The following LSAMP variants were observed in gnomAD, a reference collection of about 807,000 sequenced individuals.
LSAMP encodes limbic system-associated membrane protein.
In LSAMP, 7 loss-of-function variants were observed where a neutral mutation model predicts 38.6. That is an observed-to-expected ratio of 0.18 (90% CI 0.10 to 0.34). The LOEUF (loss-of-function observed/expected upper bound fraction) is 0.34. Among genes scored for constraint, LSAMP ranks in the 10% least tolerant of loss-of-function variants. The pLI is 1.00. For missense variants in LSAMP, 313 were observed against 420.0 expected (o/e 0.75, Z 2.23); for synonymous variants, 154 against 166.8 (o/e 0.92, Z 0.59).
At chr3:116,183,147 T>G (rs1710527654) in intron 1 of LSAMP, among the ~76,000 whole-genome samples, 1 of 151,832 alleles carries the variant, frequency 6.6e-6, no homozygotes. Flanking sequence ...AGAGACAGAA[T>G]GATTGAAGTG....
At chr3:116,205,041 A>G (rs1221493253) in intron 1 of LSAMP, among the ~76,000 whole-genome samples, 2 of 143,008 alleles carry the variant, frequency 1.4e-5, no homozygotes, top group Non-Finnish European at 3.1e-5. Context: ...TGAGCATGGA[A>G]TGTTCTTCCA....
chr3:115,820,406 T>C (rs1245468109), intron 6 of LSAMP, among the ~76,000 whole-genome samples: 2 of 152,274 alleles, frequency 1.3e-5, no homozygotes, highest in South Asian at 4.2e-4. Flanking sequence ...GATTCTAGTA[T>C]AGAGAATGTA....
Position 116,058,461 on chromosome 3 carries a change from G to GA in LSAMP, c.388+27862dup, listed in dbSNP as rs35849014. Among the ~76,000 whole-genome samples, 875 of 137,126 alleles carry GA rather than the reference G, an allele frequency of 6.4e-3. 10 individuals carry two copies. Among genetic ancestry groups the GA allele is most frequent in the East Asian group, 0.031 (140 of 4,546 alleles). The allele number at this position is 137,126 out of a possible 152,430, so 90.0% of individuals were successfully genotyped here. A position where few individuals can be genotyped will look rare whatever the true frequency, so the allele number is the denominator to read the frequency against. Reference sequence around the variant, plus strand: ...AAGGGTTTCTGTAGTATAAAATTTTGAAAAAAAAAAAAAAATTAAAAAGTT... The same window carrying GA: ...AAGGGTTTCTGTAGTATAAAATTTTGAAAAAAAAAAAAAAAATTAAAAAGTT... On this transcript the variant is annotated intron_variant, in intron 2 of 6. Coordinates refer to ENST00000490035, the MANE Select transcript of LSAMP (RefSeq NM_002338.5).
At chr3:116,243,794 A>G (rs1292088727) in intron 1 of LSAMP, among the ~76,000 whole-genome samples, 2 of 152,236 alleles carry the variant, frequency 1.3e-5, no homozygotes, top group Admixed American at 1.3e-4. Context: ...GGATTAAATG[A>G]AAATAACATT....
chr3:115,851,647 T>A (rs921242665), intron 4 of LSAMP, among the ~76,000 whole-genome samples: 2 of 152,202 alleles, frequency 1.3e-5, no homozygotes, highest in African/African-American at 4.8e-5. Context: ...TGTGTGTATG[T>A]AGGATGTGTG....
chr3:116,376,938 C>T (rs1287308860), intron 1 of LSAMP, among the ~76,000 whole-genome samples: 1 of 152,042 alleles, frequency 6.6e-6, no homozygotes, highest in Non-Finnish European at 1.5e-5. Context: ...TGTACTACTA[C>T]TAAGACAATT....
At chr3:116,138,820 T>G (rs1366274857) in intron 1 of LSAMP, among the ~76,000 whole-genome samples, 1 of 115,676 alleles carries the variant, frequency 8.6e-6, no homozygotes, top group Non-Finnish European at 1.9e-5. Flanking sequence ...TTACGTAAAT[T>G]GACTTTTTTT....
At chr3:116,112,964 T>G (rs1708649920) in intron 1 of LSAMP, among the ~76,000 whole-genome samples, 1 of 146,634 alleles carries the variant, frequency 6.8e-6, no homozygotes, top group Admixed American at 6.6e-5. Context: ...GGAATTCCAG[T>G]ACTCATTTTT....
intron 1 of LSAMP, among the ~76,000 whole-genome samples, chr3:116,171,024 A>G (rs1217160700): frequency 6.6e-6 from 1 of 152,194 alleles, no homozygotes; most frequent in Non-Finnish European, 1.5e-5. Context: ...TAAAAGCATG[A>G]AAACTGGAAT....
At chr3:116,398,706 GTCTT>G (rs1271326897) in intron 1 of LSAMP, among the ~76,000 whole-genome samples, 5 of 152,168 alleles carry the variant, frequency 3.3e-5, no homozygotes, top group Non-Finnish European at 1.5e-5. Flanking sequence ...GAAAATAAGT[GTCTT>G]GAATACATTG....
At chr3:116,248,639 C>T (rs2046634873) in intron 1 of LSAMP, among the ~76,000 whole-genome samples, 2 of 151,938 alleles carry the variant, frequency 1.3e-5, no homozygotes, top group South Asian at 2.1e-4. Flanking sequence ...CAGTATTCTC[C>T]ACCAGGGCCA....
chr3:116,320,677 T>C (rs2047695710), intron 1 of LSAMP, among the ~76,000 whole-genome samples: 1 of 152,160 alleles, frequency 6.6e-6, no homozygotes, highest in East Asian at 1.9e-4. Flanking sequence ...TTCTGCTTCA[T>C]TCATTCACTG....
intron 3 of LSAMP, among the ~76,000 whole-genome samples, chr3:115,857,575 A>T (rs759856305): frequency 2.3e-4 from 35 of 152,172 alleles, no homozygotes; most frequent in Non-Finnish European, 4.0e-4. Context: ...AAACATCTCA[A>T]CCAATTTCCA....
chr3:115,811,932 G>A (rs1933848525), intron 6 of LSAMP, among the ~76,000 whole-genome samples: 2 of 152,216 alleles, frequency 1.3e-5, no homozygotes, highest in African/African-American at 4.8e-5. Context: ...CAGCTTGTAA[G>A]CAGAGGAGCT....
chr3:116,407,088 G>C (rs967238845), intron 1 of LSAMP, among the ~76,000 whole-genome samples: 1 of 151,806 alleles, frequency 6.6e-6, no homozygotes. Context: ...AGTTCTTTAA[G>C]AAGACTGATA....
At chr3:115,907,362 T>C (rs1358081492) in intron 3 of LSAMP, among the ~76,000 whole-genome samples, 1 of 151,562 alleles carries the variant, frequency 6.6e-6, no homozygotes, top group African/African-American at 2.4e-5. Context: ...GTAGGATTAA[T>C]GAAGAAAGAG....
intron 6 of LSAMP, among the ~76,000 whole-genome samples, chr3:115,829,546 A>G (rs753622054): frequency 4.6e-5 from 7 of 152,160 alleles, no homozygotes; most frequent in Non-Finnish European, 1.0e-4. Flanking sequence ...TAAAAAGGGA[A>G]ATCTTTCCTA....
intron 1 of LSAMP, among the ~76,000 whole-genome samples, chr3:116,147,383 CTCTG>C (rs770651970): frequency 2.4e-4 from 36 of 151,834 alleles, no homozygotes; most frequent in Non-Finnish European, 4.6e-4. Flanking sequence ...ATTCATTGTT[CTCTG>C]TCTGTCATCA....
At chr3:116,004,556 A>C (rs976699247) in intron 3 of LSAMP, among the ~76,000 whole-genome samples, 35 of 140,214 alleles carry the variant, frequency 2.5e-4, no homozygotes, top group African/African-American at 1.0e-3. Flanking sequence ...ACGTAGGTGC[A>C]TATATATATA....
Sources: gnomAD v4.1 joint callset for allele counts (sites outside exome capture counted in the v4.1 genomes callset) on GRCh38, gnomAD v4.1.1 for gene constraint, MANE v1.5 for transcripts, NCBI Gene and HGNC (gene_info 2026-07-23, HGNC 2026-07-21) for gene names.